The following LSAMP variants were observed in gnomAD, a reference collection of about 807,000 sequenced individuals.
LSAMP encodes the protein limbic system-associated membrane protein.
A neutral mutation model predicts 38.6 loss-of-function variants in LSAMP; 7 were observed. The observed-to-expected ratio is 0.18, with a 90% CI of 0.10 to 0.34. The LOEUF is 0.34. LSAMP is among the 10% of genes least tolerant of loss of function. The pLI is 1.00. For missense variants in LSAMP, 313 were observed against 420.0 expected (o/e 0.75, Z 2.23); for synonymous variants, 154 against 166.8 (o/e 0.92, Z 0.59).
chr3:116,254,796 T>C (rs906959886), intron 1 of LSAMP, among the ~76,000 whole-genome samples: 1 of 152,196 alleles, frequency 6.6e-6, no homozygotes, highest in Non-Finnish European at 1.5e-5. Context: ...TGCTCAACAA[T>C]GTATTTTTCC....
intron 2 of LSAMP, among the ~76,000 whole-genome samples, chr3:116,056,158 C>T (rs1576337153): frequency 1.3e-5 from 2 of 152,102 alleles, no homozygotes; most frequent in East Asian, 3.9e-4. Context: ...TACTTTCATC[C>T]TAGAATGTAT....
intron 1 of LSAMP, among the ~76,000 whole-genome samples, chr3:116,130,282 T>TA (rs1315355451): frequency 6.6e-6 from 1 of 152,218 alleles, no homozygotes; most frequent in African/African-American, 2.4e-5. Context: ...GTCATTTGGC[T>TA]AATTAAAGAG....
intron 6 of LSAMP, chr3:115,816,682 TA>T: frequency 8.2e-7 from 1 of 1,216,910 alleles, no homozygotes; most frequent in Non-Finnish European, 1.1e-6. Flanking sequence ...CAAAAACAAA[TA>T]AAAAATCTTT....
At chr3:116,069,708 G>A (rs144306702) in intron 2 of LSAMP, among the ~76,000 whole-genome samples, 9 of 152,308 alleles carry the variant, frequency 5.9e-5, no homozygotes, top group African/African-American at 1.9e-4. Flanking sequence ...GAGATCAATT[G>A]TGCCATTATC....
intron 1 of LSAMP, among the ~76,000 whole-genome samples, chr3:116,376,227 T>C (rs902145646): frequency 6.6e-6 from 1 of 152,100 alleles, no homozygotes; most frequent in African/African-American, 2.4e-5. Flanking sequence ...GTGAAACAGC[T>C]ACTGGGTCCA....
At chr3:116,348,041 G>A (rs542065766) in intron 1 of LSAMP, among the ~76,000 whole-genome samples, 1 of 151,828 alleles carries the variant, frequency 6.6e-6, no homozygotes, top group Admixed American at 6.6e-5. Flanking sequence ...GAAAGGTCTC[G>A]GTGTATATCT....
chr3:116,194,175 T>C (rs888630282), intron 1 of LSAMP, among the ~76,000 whole-genome samples: 19 of 152,236 alleles, frequency 1.2e-4, no homozygotes, highest in African/African-American at 4.1e-4. Context: ...ATGCCAGATT[T>C]TTCCATGTAA....
At chr3:116,276,692 A>G (rs2047058048) in intron 1 of LSAMP, among the ~76,000 whole-genome samples, 1 of 152,064 alleles carries the variant, frequency 6.6e-6, no homozygotes, top group South Asian at 2.1e-4. Flanking sequence ...AAGAAAAAAA[A>G]AAAAAGAAAA....
chr3:116,444,061 C>T (rs1464093208), intron 1 of LSAMP, among the ~76,000 whole-genome samples: 1 of 152,042 alleles, frequency 6.6e-6, no homozygotes, highest in Non-Finnish European at 1.5e-5. Flanking sequence ...TTTGCCAGAG[C>T]TGCACAGAAA....
At chr3:116,201,595 C>T (rs2045987149) in intron 1 of LSAMP, among the ~76,000 whole-genome samples, 1 of 152,086 alleles carries the variant, frequency 6.6e-6, no homozygotes, top group African/African-American at 2.4e-5. Flanking sequence ...GCCTCAAATC[C>T]AGATCCAGAC....
chr3:115,897,288 C>A (rs1277610695), intron 3 of LSAMP, among the ~76,000 whole-genome samples: 1 of 152,030 alleles, frequency 6.6e-6, no homozygotes, highest in Admixed American at 6.6e-5. Context: ...AGGAGAAAAG[C>A]AGAGCAGCAT....
intron 3 of LSAMP, among the ~76,000 whole-genome samples, chr3:115,925,747 A>T (rs1937484506): frequency 6.6e-6 from 1 of 152,148 alleles, no homozygotes. Context: ...AATGCCACTG[A>T]TTGAGTGTTC....
At chr3:115,821,385 C>T (rs1934232698) in intron 6 of LSAMP, among the ~76,000 whole-genome samples, 1 of 152,198 alleles carries the variant, frequency 6.6e-6, no homozygotes, top group Non-Finnish European at 1.5e-5. Flanking sequence ...TGACTTTTGA[C>T]AACTTTTCTC....
intron 1 of LSAMP, among the ~76,000 whole-genome samples, chr3:116,337,372 GAT>G (rs980999655): frequency 2.7e-4 from 41 of 151,980 alleles, no homozygotes; most frequent in Middle Eastern, 3.4e-3. Context: ...TACATAATTT[GAT>G]ATCTGTTCGA....
At chr3:116,437,930 A>G (rs2107884435) in intron 1 of LSAMP, among the ~76,000 whole-genome samples, 1 of 152,242 alleles carries the variant, frequency 6.6e-6, no homozygotes, top group Non-Finnish European at 1.5e-5. Context: ...CCTAATCTCC[A>G]AGGCCTTTCC....
chr3:115,916,324 G>A (rs1334236031), intron 3 of LSAMP, among the ~76,000 whole-genome samples: 1 of 152,204 alleles, frequency 6.6e-6, no homozygotes, highest in Non-Finnish European at 1.5e-5. Flanking sequence ...AGATGTTTAT[G>A]CAATGGGACA....
At chr3:116,048,876 T>C (rs1305411479) in intron 2 of LSAMP, among the ~76,000 whole-genome samples, 1 of 152,134 alleles carries the variant, frequency 6.6e-6, no homozygotes, top group Non-Finnish European at 1.5e-5. Context: ...TGTTTCTGCA[T>C]CACGATATGA....
At chr3:115,947,838 T>C (rs939714529) in intron 3 of LSAMP, among the ~76,000 whole-genome samples, 1 of 152,210 alleles carries the variant, frequency 6.6e-6, no homozygotes, top group Non-Finnish European at 1.5e-5. Context: ...TTATTGACTG[T>C]GTTTCTGTGC....
chr3:116,353,794 T>C (rs1039891567), intron 1 of LSAMP, among the ~76,000 whole-genome samples: 1 of 152,118 alleles, frequency 6.6e-6, no homozygotes, highest in Admixed American at 6.6e-5. Context: ...TTTACATATA[T>C]GAGCACGTTG....
Sources: gnomAD v4.1 joint callset for allele counts (sites outside exome capture counted in the v4.1 genomes callset) on GRCh38, gnomAD v4.1.1 for gene constraint, MANE v1.5 for transcripts, NCBI Gene and HGNC (gene_info 2026-07-23, HGNC 2026-07-21) for gene names.